CEP128: variants seen among roughly 807,000 people sequenced by gnomAD.
CEP128 encodes the protein centrosomal protein 128.
CEP128 carries 132 observed loss-of-function variants against 156.7 expected under a neutral mutation model. The ratio of observed to expected loss-of-function variants is 0.84; its 90% CI spans 0.73 to 0.97. CEP128 has a LOEUF of 0.97. Among genes scored for constraint, CEP128 ranks in the 50% least tolerant of loss-of-function variants. The pLI is 0.00. For missense variants in CEP128, 1,252 were observed against 1,281.9 expected (o/e 0.98, Z 0.36); for synonymous variants, 469 against 448.9 (o/e 1.04, Z -0.57).
At chr14:80,880,691 CT>C (rs1363583000) in intron 8 of CEP128, among the ~76,000 whole-genome samples, 17 of 103,358 alleles carry the variant, frequency 1.6e-4, no homozygotes, top group African/African-American at 6.5e-4. Context: ...CCCCTCTCTA[CT>C]AAAAAAAAAA....
chr14:80,602,715 T>G (rs1226394244), intron 19 of CEP128, among the ~76,000 whole-genome samples: 1 of 152,120 alleles, frequency 6.6e-6, no homozygotes, highest in African/African-American at 2.4e-5. Flanking sequence ...GAGGTTGCAG[T>G]GAGCCGAGAT....
chr14:80,646,596 G>A (rs1010883848), intron 19 of CEP128, among the ~76,000 whole-genome samples: 14 of 151,576 alleles, frequency 9.2e-5, no homozygotes, highest in Non-Finnish European at 1.8e-4. Flanking sequence ...GTACACAAAC[G>A]TTATACATAC....
intron 23 of CEP128, among the ~76,000 whole-genome samples, chr14:80,520,788 T>C (rs981199746): frequency 5.9e-5 from 9 of 152,006 alleles, no homozygotes; most frequent in African/African-American, 2.2e-4. Context: ...TGATGGTTCA[T>C]AGGAATCAGC....
intron 13 of CEP128, among the ~76,000 whole-genome samples, chr14:80,813,675 G>A (rs905938266): frequency 6.6e-6 from 1 of 151,976 alleles, no homozygotes; most frequent in Non-Finnish European, 1.5e-5. Flanking sequence ...TTAGAATTGA[G>A]AACTTTAAAC....
At chr14:80,794,921 G>A (rs576823005) in intron 13 of CEP128, among the ~76,000 whole-genome samples, 1 of 152,288 alleles carries the variant, frequency 6.6e-6, no homozygotes, top group South Asian at 2.1e-4. Flanking sequence ...GACTGTGACT[G>A]AAATGCATTG....
At chr14:80,654,261 T>C (rs564884658) in intron 19 of CEP128, among the ~76,000 whole-genome samples, 24 of 152,146 alleles carry the variant, frequency 1.6e-4, no homozygotes, top group Middle Eastern at 3.4e-3. Context: ...TTCTGATTCA[T>C]GTGGCCACGA....
At chr14:80,511,692 T>C (rs1888266050) in intron 23 of CEP128, among the ~76,000 whole-genome samples, 1 of 152,084 alleles carries the variant, frequency 6.6e-6, no homozygotes, top group African/African-American at 2.4e-5. Flanking sequence ...AGTTTTTTAT[T>C]TGAAGTTCTT....
intron 19 of CEP128, among the ~76,000 whole-genome samples, chr14:80,684,228 T>C (rs1350616415): frequency 1.3e-5 from 2 of 151,938 alleles, no homozygotes; most frequent in Non-Finnish European, 2.9e-5. Flanking sequence ...AAATAGAAGA[T>C]GCAAATAAGC....
intron 20 of CEP128, among the ~76,000 whole-genome samples, chr14:80,568,906 C>A (rs1891028944): frequency 1.3e-5 from 2 of 152,156 alleles, no homozygotes; most frequent in Admixed American, 6.5e-5. Context: ...TGTATATTAA[C>A]TGTTCAGTCC....
intron 19 of CEP128, among the ~76,000 whole-genome samples, chr14:80,618,294 GA>G (rs1160738716): frequency 3.9e-5 from 6 of 152,086 alleles, no homozygotes; most frequent in Non-Finnish European, 1.5e-5. Context: ...ATAACATAAA[GA>G]AAACAGAGAG....
chr14:80,856,410 C>A (rs1038490934), intron 9 of CEP128, among the ~76,000 whole-genome samples: 3 of 152,164 alleles, frequency 2.0e-5, no homozygotes, highest in African/African-American at 7.2e-5. Context: ...AGTTGGGAAG[C>A]TGAGACAGGC....
chr14:80,857,729 C>A (rs532990268), intron 9 of CEP128, among the ~76,000 whole-genome samples: 3 of 142,030 alleles, frequency 2.1e-5, no homozygotes, highest in South Asian at 2.3e-4. Context: ...AGAGTGACCC[C>A]ATCTCAAAAA....
At chr14:80,733,768 A>G (rs1296221930) in intron 19 of CEP128, among the ~76,000 whole-genome samples, 1 of 152,150 alleles carries the variant, frequency 6.6e-6, no homozygotes, top group Non-Finnish European at 1.5e-5. Context: ...ATTTTCAGCA[A>G]CTACATCTAT....
chr14:80,572,235 G>T (rs1292868154), intron 20 of CEP128, among the ~76,000 whole-genome samples: 1 of 152,188 alleles, frequency 6.6e-6, no homozygotes, highest in East Asian at 1.9e-4. Flanking sequence ...TGGAAAATCA[G>T]CTAGAGATTG....
intron 19 of CEP128, among the ~76,000 whole-genome samples, chr14:80,657,003 T>C (rs1380802919): frequency 6.6e-6 from 1 of 152,352 alleles, no homozygotes; most frequent in Non-Finnish European, 1.5e-5. Context: ...CTCATCACTA[T>C]AATCCCAGCA....
downstream of CEP128, among the ~76,000 whole-genome samples, chr14:80,485,964 CTG>C (rs1209834384): frequency 1.3e-5 from 2 of 152,186 alleles, no homozygotes; most frequent in Non-Finnish European, 2.9e-5. Context: ...ACTGAAGACA[CTG>C]TAAACACAGT....
At chr14:80,590,237 A>C (rs958577713) in intron 19 of CEP128, among the ~76,000 whole-genome samples, 2 of 152,194 alleles carry the variant, frequency 1.3e-5, no homozygotes, top group Admixed American at 1.3e-4. Context: ...TAAGAGACGT[A>C]ACTCTTGGAT....
At chr14:80,762,716 A>C (rs1248767793) in intron 16 of CEP128, among the ~76,000 whole-genome samples, 1 of 152,168 alleles carries the variant, frequency 6.6e-6, no homozygotes, top group Non-Finnish European at 1.5e-5. Flanking sequence ...TACTTACAGC[A>C]TCTTAAATCT....
intron 19 of CEP128, among the ~76,000 whole-genome samples, chr14:80,713,375 A>G (rs1897484292): frequency 6.6e-6 from 1 of 151,808 alleles, no homozygotes; most frequent in Non-Finnish European, 1.5e-5. Flanking sequence ...ATTTCTTCCT[A>G]TCTCCTGGTC....
Sources: allele counts gnomAD v4.1 joint callset (sites outside exome capture counted in the v4.1 genomes callset), GRCh38; gene constraint gnomAD v4.1.1; transcripts MANE v1.5; gene names NCBI Gene and HGNC (gene_info 2026-07-23, HGNC 2026-07-21).